The following GAB2 variants were observed in gnomAD, a reference collection of about 807,000 sequenced individuals.
GAB2 encodes GRB2 associated binding protein 2.
In GAB2, 26 loss-of-function variants were observed where a neutral mutation model predicts 65.5. That is an observed-to-expected ratio of 0.40 (90% confidence interval 0.29 to 0.55). The LOEUF is 0.55. Among genes scored for constraint, GAB2 ranks in the 20% least tolerant of loss-of-function variants. GAB2 has a pLI of 0.53. For synonymous variants in GAB2, 321 were observed against 329.6 expected (o/e 0.97, Z 0.28); for missense variants, 884 against 875.8 (o/e 1.01, Z -0.12).
intron 1 of GAB2, among the ~76,000 whole-genome samples, chr11:78,343,047 T>C (rs546045290): frequency 2.0e-5 from 3 of 152,276 alleles, no homozygotes; most frequent in African/African-American, 7.2e-5. Flanking sequence ...TAGGTACCCT[T>C]GAGTAACTGC....
At chr11:78,386,899 G>A (rs986058886) in intron 1 of GAB2, among the ~76,000 whole-genome samples, 3 of 152,106 alleles carry the variant, frequency 2.0e-5, no homozygotes, top group African/African-American at 4.8e-5. Context: ...TGGAAGGCAC[G>A]GATTTACATC....
At chr11:78,403,865 T>C (rs1277516466) in intron 1 of GAB2, among the ~76,000 whole-genome samples, 1 of 152,088 alleles carries the variant, frequency 6.6e-6, no homozygotes, top group Non-Finnish European at 1.5e-5. Context: ...AACTAGAATA[T>C]ATAAGGAGCT....
rs115969787 is a variant in GAB2, at chr11:78,382,966, T to C, written c.75+34680A>G. On this transcript the variant is annotated intron_variant, in intron 1 of 9. Coordinates refer to ENST00000361507, the MANE Select transcript of GAB2 (RefSeq NM_080491.3). ...CAGAAAACACATTTAGTCTATCCTT[T>C]GTCTGACTTTAGAAACAGTCTTCCA... 9.2e-3 allele frequency among the ~76,000 whole-genome samples: 1,401 copies of C among 152,312 alleles called. 23 individuals carry two copies. The highest frequency in any genetic ancestry group is 0.032 in the African/African-American group (1,329 of 41,564).
In GAB2 at chr11:78,256,226, A is replaced by G. The variant is rs967746763; in HGVS notation, c.377-5826T>C. ...CCACACAATGGAATATTATTTAGCC[A>G]TAGAAATAAAAAATACTGATATAGG... On this transcript the variant is annotated intron_variant, in intron 2 of 9. Coordinates refer to ENST00000361507, the MANE Select transcript of GAB2 (RefSeq NM_080491.3). Among the ~76,000 whole-genome samples, 8 of 152,390 alleles carry G rather than the reference A, an allele frequency of 5.2e-5. No individual in the cohort carries two copies. The South Asian group carries it at 1.4e-3, about 28-fold the overall frequency.
At chr11:78,254,866 T>C (rs1865554879) in intron 2 of GAB2, among the ~76,000 whole-genome samples, 1 of 151,958 alleles carries the variant, frequency 6.6e-6, no homozygotes, top group South Asian at 2.1e-4. Flanking sequence ...CAAAGCTGTT[T>C]TGGCACTAAA....
intron 1 of GAB2, among the ~76,000 whole-genome samples, chr11:78,348,098 C>A (rs897257514): frequency 9.9e-5 from 15 of 152,042 alleles, no homozygotes; most frequent in African/African-American, 3.6e-4. Flanking sequence ...TTCATCTTGA[C>A]ATTGAGTAGG....
At chr11:78,251,915 T>C (rs961267337) in intron 2 of GAB2, among the ~76,000 whole-genome samples, 1 of 152,258 alleles carries the variant, frequency 6.6e-6, no homozygotes, top group African/African-American at 2.4e-5. Context: ...TCTTAGTTCA[T>C]GTCTGCGGAC....
intron 1 of GAB2, among the ~76,000 whole-genome samples, chr11:78,304,753 T>C (rs112376432): frequency 0.039 from 5,906 of 152,186 alleles, 377 homozygotes; most frequent in African/African-American, 0.13. Context: ...ATGAAAAAGT[T>C]TGAAAAGCAC....
chr11:78,366,773 C>G (rs375767182), intron 1 of GAB2, among the ~76,000 whole-genome samples: 1 of 147,882 alleles, frequency 6.8e-6, no homozygotes, highest in Non-Finnish European at 1.5e-5. Flanking sequence ...ACTATGATGG[C>G]GAATAGAATG....
At chr11:78,261,682 T>G (rs910910608) in intron 2 of GAB2, among the ~76,000 whole-genome samples, 2 of 152,188 alleles carry the variant, frequency 1.3e-5, no homozygotes, top group African/African-American at 4.8e-5. Context: ...CTCTTGTGAT[T>G]TACTTAGGGT....
intron 2 of GAB2, among the ~76,000 whole-genome samples, chr11:78,267,690 C>T (rs1192326555): frequency 2.0e-5 from 3 of 151,580 alleles, no homozygotes; most frequent in Middle Eastern, 3.4e-3. Context: ...AACCCCGTCG[C>T]TACTAAAAAT....
At chr11:78,339,009 G>T (rs1359109686) in intron 1 of GAB2, among the ~76,000 whole-genome samples, 1 of 151,792 alleles carries the variant, frequency 6.6e-6, no homozygotes, top group Non-Finnish European at 1.5e-5. Flanking sequence ...TACAACCTCC[G>T]CCTCCCAGGT....
Position 78,234,788 on chromosome 11 carries a change from GTTGT to G in GAB2, c.621-7741_621-7738del, listed in dbSNP as rs944178400. On this transcript the variant is annotated intron_variant, in intron 3 of 9. Coordinates refer to ENST00000361507, the MANE Select transcript of GAB2 (RefSeq NM_080491.3). ...AAGTAATATAAATCCTGACTTTATT[GTTGT>G]TCTTTTAAAAATTTCTTTGGTTGCT... Among the ~76,000 whole-genome samples the G allele has an allele frequency of 7.9e-5, 12 of 151,890 alleles. 1 individual carries two copies. Among genetic ancestry groups the G allele is most frequent in the Middle Eastern group, 3.2e-3 (1 of 316 alleles).
At chr11:78,236,047 C>G (rs1392621095) in intron 3 of GAB2, among the ~76,000 whole-genome samples, 2 of 152,172 alleles carry the variant, frequency 1.3e-5, no homozygotes, top group East Asian at 1.9e-4. Flanking sequence ...AAACTGCCAT[C>G]TAAATAATAA....
At chr11:78,390,494 C>T (rs1460508853) in intron 1 of GAB2, among the ~76,000 whole-genome samples, 1 of 152,152 alleles carries the variant, frequency 6.6e-6, no homozygotes, top group African/African-American at 2.4e-5. Context: ...GAGGCTGATG[C>T]ACAAGAATCA....
chr11:78,310,592 T>C (rs1324612888), intron 1 of GAB2, among the ~76,000 whole-genome samples: 4 of 150,600 alleles, frequency 2.7e-5, no homozygotes, highest in East Asian at 3.9e-4. Context: ...GGCCCAAGAA[T>C]GTGTGGTTAA....
chr11:78,271,271 T>C (rs531597232), intron 2 of GAB2, among the ~76,000 whole-genome samples: 11 of 152,364 alleles, frequency 7.2e-5, no homozygotes, highest in African/African-American at 2.6e-4. Context: ...CTCTGCTTCC[T>C]TATTCTGAGG....
intron 1 of GAB2, among the ~76,000 whole-genome samples, chr11:78,403,076 A>G (rs1375829433): frequency 1.3e-5 from 2 of 152,218 alleles, no homozygotes; most frequent in Non-Finnish European, 2.9e-5. Context: ...CAGACGCTGA[A>G]TGTGTCAGTG....
intron 1 of GAB2, among the ~76,000 whole-genome samples, chr11:78,367,883 C>T (rs887101312): frequency 7.4e-6 from 1 of 134,294 alleles, no homozygotes; most frequent in Non-Finnish European, 1.5e-5. Flanking sequence ...GTGGCGCTAT[C>T]TCTGCTCACT....
Sources: gnomAD v4.1 joint callset for allele counts (sites outside exome capture counted in the v4.1 genomes callset) on GRCh38, gnomAD v4.1.1 for gene constraint, MANE v1.5 for transcripts, NCBI Gene and HGNC (gene_info 2026-07-23, HGNC 2026-07-21) for gene names.